Variants in INO80C observed in about 807,000 individuals in gnomAD.
INO80C encodes IES6 homolog.
Under a neutral mutation model 17.7 loss-of-function variants are expected in INO80C, and 17 were observed. That is an observed-to-expected ratio of 0.96 (90% CI 0.66 to 1.44). The LOEUF (loss-of-function observed/expected upper bound fraction) is 1.44. INO80C is among the 40% of genes most tolerant of loss of function. The pLI, the probability that INO80C is intolerant of heterozygous loss-of-function variation, is 0.00. For synonymous variants in INO80C, 96 were observed against 95.8 expected, an observed-to-expected ratio of 1.00 and a Z score of -0.01; for missense variants, 244 against 245.0, an observed-to-expected ratio of 1.00 and a Z score of 0.03.
At chr18:35,483,359 G>C (rs1234322246) in intron 1 of INO80C, 3 of 152,016 alleles carry the variant, frequency 2.0e-5, no homozygotes, top group Non-Finnish European at 4.4e-5. Flanking sequence ...ATGTTATTTT[G>C]CACTGACTAT....
chr18:35,480,562 C>A lies in INO80C; in HGVS notation c.158G>T (p.Gly53Val), dbSNP rs150273392. 6.2e-7 allele frequency: 1 copy of A among 1,601,690 alleles called. No individual in the cohort carries two copies. Among genetic ancestry groups the A allele is most frequent in the South Asian group, 1.1e-5 (1 of 90,826 alleles). Residue 53 changes from glycine to valine, a missense_variant and splice_region_variant, in exon 2 of 5, where the codon GGT (glycine) becomes GTT (valine). Transcript: ENST00000334598. ...KKASASSFAQ[G>V]ISMEAMSENK... ...CTCACTCATGGCTTCCATGCTGATA[C>A]CCTTAAAACATAATAAAAATAGTTT...
At chr18:35,492,998 CAG>C (rs2045947028) in intron 1 of INO80C, among the ~76,000 whole-genome samples, 2 of 152,144 alleles carry the variant, frequency 1.3e-5, no homozygotes, top group South Asian at 4.1e-4. Context: ...TACAAAGTAA[CAG>C]AGTGATATCA....
chr18:35,474,207 C>CTATATA (rs58465669), intron 4 of INO80C, among the ~76,000 whole-genome samples: 8,761 of 57,748 alleles, frequency 0.15, 1,400 homozygotes, highest in Non-Finnish European at 0.17. Context: ...GTGTGTGTGT[C>CTATATA]TATATATATA....
rs1348736417 is a variant in INO80C at position 35,468,556 on chromosome 18, T to C, written c.*55A>G. On this transcript the variant is annotated 3_prime_UTR_variant, in exon 5 of 5. Coordinates refer to ENST00000334598, the MANE Select transcript of INO80C (RefSeq NM_194281.4). ...AGTTTGTTTCCGTGAAACAAAATCA[T>C]GAGTCCAGAGTCTGTTTTTGAAACA... The C allele has an allele frequency of 1.9e-6, 3 of 1,606,694 alleles. No individual in the cohort carries two copies. The East Asian group carries it at 6.7e-5, about 36-fold the overall frequency.
chr18:35,490,858 C>A, intron 1 of INO80C, among the ~76,000 whole-genome samples: 1 of 152,192 alleles, frequency 6.6e-6, no homozygotes, highest in East Asian at 1.9e-4. Flanking sequence ...TGGGCTCAAG[C>A]CATCTTCTCA....
At chr18:35,470,050 T>C (rs2144020274) in intron 4 of INO80C, among the ~76,000 whole-genome samples, 1 of 152,198 alleles carries the variant, frequency 6.6e-6, no homozygotes, top group East Asian at 1.9e-4. Flanking sequence ...TTTGAGCTCC[T>C]TTAAAAAAAT....
At chr18:35,472,354 T>C (rs2045681009) in intron 4 of INO80C, among the ~76,000 whole-genome samples, 1 of 152,236 alleles carries the variant, frequency 6.6e-6, no homozygotes, top group African/African-American at 2.4e-5. Context: ...TGATGGCCAG[T>C]GATGATGAGC....
Position 35,474,207 on chromosome 18 carries a change from CTATATATA to C in INO80C, c.447+4067_447+4074del, listed in dbSNP as rs58465669. On this transcript the variant is annotated intron_variant, in intron 4 of 4. Transcript: ENST00000334598. ...TATATGTGTATATGTGTGTGTGTGT[CTATATATA>C]TATATATATATATATATATATATAT... Among the ~76,000 whole-genome samples the C allele has an allele frequency of 6.9e-3, 398 of 58,036 alleles. 8 individuals are homozygous for C. The highest frequency in any genetic ancestry group is 0.026 in the Middle Eastern group (2 of 76). 38.1% of individuals were successfully genotyped at this position (58,036 alleles called of 152,430 possible).
chr18:35,497,940 C>G lies in INO80C; in HGVS notation c.-66G>C. On this transcript the variant is annotated 5_prime_UTR_variant, in exon 1 of 5. Transcript: ENST00000334598. ...AGCGCGGGCCTTGGAACTTCCTTTCCGCTGTTACTTCCGTCTTGATGCTTG... is the reference window on the plus strand; with the variant it reads ...AGCGCGGGCCTTGGAACTTCCTTTCGGCTGTTACTTCCGTCTTGATGCTTG... The G allele has an allele frequency of 6.9e-7, 1 of 1,445,356 alleles. No individual in the cohort carries two copies. The highest frequency in any genetic ancestry group is 9.2e-7 in the Non-Finnish European group (1 of 1,091,030). 89.5% of individuals were successfully genotyped at this position (1,445,356 alleles called of 1,614,324 possible). A position where few individuals can be genotyped will look rare whatever the true frequency, so the allele number is the denominator to read the frequency against.
At chr18:35,478,473 C>G in intron 3 of INO80C, 124 bp from the exon 4 acceptor site, 1 of 750,264 alleles carries the variant, frequency 1.3e-6, no homozygotes, top group Non-Finnish European at 2.1e-6. Context: ...TAAGTAGTCA[C>G]AGAAGTCTCT....
chr18:35,469,528 C>G (rs1213302556), intron 4 of INO80C, among the ~76,000 whole-genome samples: 1 of 152,160 alleles, frequency 6.6e-6, no homozygotes, highest in East Asian at 1.9e-4. Context: ...GGGACCCCAA[C>G]TGCAGCCCAT....
At chr18:35,493,332 C>A (rs952267513) in intron 1 of INO80C, among the ~76,000 whole-genome samples, 1 of 152,118 alleles carries the variant, frequency 6.6e-6, no homozygotes, top group African/African-American at 2.4e-5. Context: ...AAGTAACAAC[C>A]AGAGTGAATG....
intron 1 of INO80C, among the ~76,000 whole-genome samples, chr18:35,491,196 C>CA (rs1174033436): frequency 1.3e-5 from 2 of 152,172 alleles, no homozygotes; most frequent in African/African-American, 2.4e-5. Flanking sequence ...TCCAAGGCCC[C>CA]AGGGAGACAG....
chr18:35,479,260 C>G, intron 3 of INO80C, 40 bp downstream of exon 3: 1 of 1,258,584 alleles, frequency 7.9e-7, no homozygotes, highest in African/African-American at 1.5e-5. Flanking sequence ...AGTTCCTACT[C>G]TGAACATTAC....
At chr18:35,496,672 T>C (rs2144099165) in intron 1 of INO80C, 1 of 152,360 alleles carries the variant, frequency 6.6e-6, no homozygotes, top group South Asian at 2.1e-4. Flanking sequence ...GATGCTCTTG[T>C]AGTTGGGACT....
chr18:35,487,387 T>C (rs763263715), intron 1 of INO80C: 1 of 397,584 alleles, frequency 2.5e-6, no homozygotes, highest in Non-Finnish European at 5.0e-6. Flanking sequence ...TGGACTCACA[T>C]TTCCACGCGG....
intron 1 of INO80C, among the ~76,000 whole-genome samples, chr18:35,488,799 GCT>G (rs1263786978): frequency 2.0e-5 from 3 of 152,116 alleles, no homozygotes; most frequent in Admixed American, 6.5e-5. Context: ...GGACTTTTAT[GCT>G]CTGTTTCCCT....
rs2046001723 is a variant in INO80C, at chr18:35,497,837, G to A, written c.38C>T (p.Thr13Ile). Reference sequence around the variant, plus strand: ...CTTGCTGTTCCGGACTATTCCGGGAGTGGAAGTGGTGGCCACAATTGGAAT... The same window carrying A: ...CTTGCTGTTCCGGACTATTCCGGGAATGGAAGTGGTGGCCACAATTGGAAT... ...AQIPIVATTS[T>I]PGIVRNSKKR... Residue 13 changes from threonine (T) to isoleucine (I), a missense_variant, in exon 1 of 5, where the codon ACT becomes ATT. Physicochemically the swap from Thr to Ile is moderately conservative, Grantham distance 89. Coordinates refer to ENST00000334598, the MANE Select transcript of INO80C (RefSeq NM_194281.4). 1 of 1,598,390 alleles carries A rather than the reference G, an allele frequency of 6.3e-7. No homozygotes were observed. Among genetic ancestry groups the A allele is most frequent in the African/African-American group, 1.4e-5 (1 of 73,804 alleles).
chr18:35,475,537 G>A (rs530373807), intron 4 of INO80C, among the ~76,000 whole-genome samples: 1 of 152,224 alleles, frequency 6.6e-6, no homozygotes, highest in South Asian at 2.1e-4. Flanking sequence ...AGGCATGGTG[G>A]CACACACCTG....
Sources: gnomAD v4.1 joint callset for allele counts (sites outside exome capture counted in the v4.1 genomes callset) on GRCh38, gnomAD v4.1.1 for gene constraint, MANE v1.5 for transcripts, NCBI Gene and HGNC (gene_info 2026-07-23, HGNC 2026-07-21) for gene names.